Variants in AGBL4 observed in about 807,000 individuals in gnomAD.
The protein encoded by AGBL4 is AGBL carboxypeptidase 4.
A neutral mutation model predicts 66.4 loss-of-function variants in AGBL4; 58 were observed. The ratio of observed to expected loss-of-function variants is 0.87; its 90% CI spans 0.71 to 1.09. The LOEUF (loss-of-function observed/expected upper bound fraction) is 1.09, where lower values mean the gene tolerates loss of function less well. Ranked by LOEUF, AGBL4 falls within the 50% of genes least tolerant of loss-of-function variation. The pLI, the probability that AGBL4 is intolerant of heterozygous loss-of-function variation, is 0.00. For missense variants in AGBL4, 579 were observed against 631.0 expected (o/e 0.92, Z 0.88); for synonymous variants, 234 against 222.9 (o/e 1.05, Z -0.44).
chr1:48,555,538 G>A (rs571955095), intron 11 of AGBL4, among the ~76,000 whole-genome samples: 6 of 152,322 alleles, frequency 3.9e-5, no homozygotes, highest in African/African-American at 1.4e-4. Flanking sequence ...AAAGAAGGAA[G>A]CAAGAGAAAA....
chr1:49,537,536 A>G (rs1651688793), intron 3 of AGBL4, among the ~76,000 whole-genome samples: 1 of 152,222 alleles, frequency 6.6e-6, no homozygotes. Flanking sequence ...CTGGCCAATA[A>G]GCATAAGAAA....
chr1:48,587,101 G>A lies in AGBL4; in HGVS notation c.1170C>T (p.Leu390=), dbSNP rs1432163403. 7 of 1,587,014 alleles carry A rather than the reference G, an allele frequency of 4.4e-6. No homozygotes were observed. Among genetic ancestry groups the A allele is most frequent in the Admixed American group, 1.8e-5 (1 of 55,258 alleles). The change falls in exon 11 of 14, where the codon CTC becomes CTT. Residue 390 remains leucine (L), a synonymous_variant. Coordinates refer to ENST00000371839, the MANE Select transcript of AGBL4 (RefSeq NM_032785.4). ...TGTAGCAATAGGAAGTGTGGTCCAG[G>A]AGTCCACCGAGGAAGCGACGGCCAG... is the stretch of plus-strand genomic sequence containing the variant. ...AGTGRRFLGG[L]LDHTSYCYTL... is the part of the protein sequence containing the mutation.
chr1:49,697,166 T>G (rs757700343), intron 3 of AGBL4, 147 bp downstream of exon 3: 42 of 837,178 alleles, frequency 5.0e-5, no homozygotes, highest in Non-Finnish European at 7.2e-5. Context: ...TCTATTTCTC[T>G]GCATCTCTTG....
chr1:49,182,551 A>G (rs781007969), intron 4 of AGBL4, among the ~76,000 whole-genome samples: 10 of 152,200 alleles, frequency 6.6e-5, no homozygotes, highest in Admixed American at 1.3e-4. Flanking sequence ...GGTTACTTCA[A>G]TTGATAGTAG....
At chr1:48,749,732 G>A (rs1416908588) in intron 6 of AGBL4, among the ~76,000 whole-genome samples, 3 of 152,184 alleles carry the variant, frequency 2.0e-5, no homozygotes, top group African/African-American at 4.8e-5. Context: ...TTATCCTCTG[G>A]TGGCCAGGGA....
At chr1:49,190,400 G>T (rs543959871) in intron 4 of AGBL4, among the ~76,000 whole-genome samples, 1 of 152,300 alleles carries the variant, frequency 6.6e-6, no homozygotes, top group East Asian at 1.9e-4. Flanking sequence ...TCCCTGAAGG[G>T]AAAAGGCTTG....
intron 3 of AGBL4, among the ~76,000 whole-genome samples, chr1:49,548,238 T>C (rs1242857110): frequency 6.6e-6 from 1 of 152,360 alleles, no homozygotes; most frequent in African/African-American, 2.4e-5. Flanking sequence ...AACAATCGTA[T>C]TGTCAGCAAA....
chr1:49,438,453 T>A lies in AGBL4; in HGVS notation c.283-192589A>T, dbSNP rs1194874340. On this transcript the variant is annotated intron_variant, in intron 3 of 13. Coordinates refer to ENST00000371839, the MANE Select transcript of AGBL4 (RefSeq NM_032785.4). Reference sequence around the variant, plus strand: ...GCAGGAAACAGTTAGCCCTTGTATCTTCTTTATGGAAGAAAAAGCTGGTTA... The same window carrying A: ...GCAGGAAACAGTTAGCCCTTGTATCATCTTTATGGAAGAAAAAGCTGGTTA... 3.3e-5 allele frequency among the ~76,000 whole-genome samples: 5 copies of A among 152,198 alleles called. No individual in the cohort carries two copies. The East Asian group carries it at 9.6e-4, about 29-fold the overall frequency.
intron 4 of AGBL4, among the ~76,000 whole-genome samples, chr1:49,075,468 T>C (rs1644691758): frequency 6.6e-6 from 1 of 152,208 alleles, no homozygotes. Flanking sequence ...CAATTTTTCC[T>C]GGTCATGAAA....
rs550020836 is a variant in AGBL4, at chr1:49,178,085, C to T, written c.377+67685G>A. Among the ~76,000 whole-genome samples, 111 of 152,176 alleles carry T rather than the reference C, an allele frequency of 7.3e-4. 1 individual carries two copies. Among genetic ancestry groups the T allele is most frequent in the Admixed American group, 2.3e-3 (35 of 15,292 alleles). ...GTCTAGAAAAAGTCAGTGTATTTAG[C>T]AGGGTAGTGTGAAAAGAGCAAAGGC... is the stretch of plus-strand genomic sequence containing the variant. On this transcript the variant is annotated intron_variant, in intron 4 of 13. Coordinates refer to ENST00000371839, the MANE Select transcript of AGBL4 (RefSeq NM_032785.4).
chr1:49,194,858 G>C (rs530622226), intron 4 of AGBL4, among the ~76,000 whole-genome samples: 1 of 148,214 alleles, frequency 6.7e-6, no homozygotes, highest in Non-Finnish European at 1.5e-5. Context: ...TTTTTTTTGA[G>C]TCAGGGTATT....
intron 9 of AGBL4, among the ~76,000 whole-genome samples, chr1:48,614,780 G>A (rs115562022): frequency 1.2e-3 from 186 of 152,178 alleles, no homozygotes; most frequent in African/African-American, 4.3e-3. Context: ...TAATACAAGA[G>A]ACATACAAAC....
chr1:49,742,630 C>A (rs1650610607), intron 2 of AGBL4, among the ~76,000 whole-genome samples: 1 of 152,176 alleles, frequency 6.6e-6, no homozygotes, highest in South Asian at 2.1e-4. Flanking sequence ...CTGGAAGCAT[C>A]ACGCTACCTG....
Position 49,326,372 on chromosome 1 carries a change from T to A in AGBL4, c.283-80508A>T, listed in dbSNP as rs141512645. Reference sequence around the variant, plus strand: ...ACTCTTGAAGATTATTGGTCTTTTATCCAGGGCTATGTTTAAGATTTTCCC... The same window carrying A: ...ACTCTTGAAGATTATTGGTCTTTTAACCAGGGCTATGTTTAAGATTTTCCC... On this transcript the variant is annotated intron_variant, in intron 3 of 13. Coordinates refer to ENST00000371839, the MANE Select transcript of AGBL4 (RefSeq NM_032785.4). Among the ~76,000 whole-genome samples the A allele has an allele frequency of 5.1e-4, 78 of 152,308 alleles. 1 individual carries two copies. Among genetic ancestry groups the A allele is most frequent in the African/African-American group, 1.7e-3 (70 of 41,558 alleles).
chr1:48,863,693 C>T (rs1315208318), intron 6 of AGBL4, among the ~76,000 whole-genome samples: 1 of 152,020 alleles, frequency 6.6e-6, no homozygotes, highest in Admixed American at 6.6e-5. Context: ...TGTGTAATTA[C>T]TAATGGGTAG....
At position 48,841,196 on chromosome 1, in the gene AGBL4, A is replaced by T. The variant is rs200672733; in HGVS notation, c.634+25995T>A. Among the ~76,000 whole-genome samples, 5 of 152,104 alleles carry T rather than the reference A, an allele frequency of 3.3e-5. No homozygotes were observed. The East Asian group carries it at 7.7e-4, about 23-fold the overall frequency. On this transcript the variant is annotated intron_variant, in intron 6 of 13. Coordinates refer to ENST00000371839, the MANE Select transcript of AGBL4 (RefSeq NM_032785.4). ...CTGTATCCTGGTTGTGGTGGCAGTT[A>T]CTCAAATATATACCTGTGTTAAAAT...
intron 4 of AGBL4, among the ~76,000 whole-genome samples, chr1:49,179,718 G>A (rs900012960): frequency 2.6e-5 from 4 of 151,682 alleles, no homozygotes; most frequent in Non-Finnish European, 1.5e-5. Context: ...ACAGACATAA[G>A]GCATAATGTG....
At chr1:49,967,017 C>T (rs1657621282) in intron 1 of AGBL4, among the ~76,000 whole-genome samples, 2 of 152,072 alleles carry the variant, frequency 1.3e-5, no homozygotes, top group South Asian at 2.1e-4. Context: ...GGGGTATATA[C>T]CCAGTAATGG....
At chr1:49,870,569 T>C (rs746067617) in intron 1 of AGBL4, among the ~76,000 whole-genome samples, 5 of 151,198 alleles carry the variant, frequency 3.3e-5, no homozygotes, top group Non-Finnish European at 5.9e-5. Context: ...TATATATATC[T>C]ACAATGTACC....
Sources: gnomAD v4.1 joint callset for allele counts (sites outside exome capture counted in the v4.1 genomes callset) on GRCh38, gnomAD v4.1.1 for gene constraint, MANE v1.5 for transcripts, NCBI Gene and HGNC (gene_info 2026-07-23, HGNC 2026-07-21) for gene names.